CDKAL1: variants seen among roughly 807,000 people sequenced by gnomAD.
The protein encoded by CDKAL1 is threonylcarbamoyladenosine tRNA methylthiotransferase.
Under a neutral mutation model 68.2 loss-of-function variants are expected in CDKAL1, and 32 were observed. The observed-to-expected ratio is 0.47, with a 90% CI of 0.35 to 0.63. CDKAL1 has a LOEUF of 0.63. CDKAL1 is among the 30% of genes least tolerant of loss of function. The probability of loss-of-function intolerance (pLI) is 0.00; values close to 1 mark genes in which losing one functional copy is unlikely to be tolerated. For missense variants in CDKAL1, 606 were observed against 696.7 expected, an observed-to-expected ratio of 0.87 and a Z score of 1.47; for synonymous variants, 234 against 244.3, an observed-to-expected ratio of 0.96 and a Z score of 0.39.
chr6:20,688,002 T>C (rs879587801), intron 5 of CDKAL1, among the ~76,000 whole-genome samples: 10 of 152,104 alleles, frequency 6.6e-5, no homozygotes, highest in Non-Finnish European at 1.5e-4. Context: ...CAGAATTCTA[T>C]GTTGTTGTTT....
chr6:20,917,349 A>G (rs1350108408), intron 9 of CDKAL1, among the ~76,000 whole-genome samples: 2 of 152,168 alleles, frequency 1.3e-5, no homozygotes, highest in Non-Finnish European at 2.9e-5. Flanking sequence ...CCTTTCTTTT[A>G]AGGAAGAACT....
chr6:21,125,481 T>TG (rs1774955936), intron 13 of CDKAL1, among the ~76,000 whole-genome samples: 1 of 152,160 alleles, frequency 6.6e-6, no homozygotes, highest in African/African-American at 2.4e-5. Context: ...GAGACCAGCC[T>TG]GACCAACATG....
At chr6:20,645,913 C>G (rs1768431187) in intron 4 of CDKAL1, among the ~76,000 whole-genome samples, 1 of 151,804 alleles carries the variant, frequency 6.6e-6, no homozygotes, top group African/African-American at 2.4e-5. Flanking sequence ...CTTCCAGCAA[C>G]ACATCTTGTC....
intron 11 of CDKAL1, among the ~76,000 whole-genome samples, chr6:21,055,877 G>T (rs1770804574): frequency 6.6e-6 from 1 of 152,068 alleles, no homozygotes; most frequent in South Asian, 2.1e-4. Flanking sequence ...ATTCTTTTGG[G>T]TATATACCAA....
At chr6:21,037,110 C>A (rs2150888424) in intron 11 of CDKAL1, among the ~76,000 whole-genome samples, 1 of 152,156 alleles carries the variant, frequency 6.6e-6, no homozygotes, top group South Asian at 2.1e-4. Flanking sequence ...GGGGAAAAAT[C>A]TAAAACGGAA....
intron 10 of CDKAL1, among the ~76,000 whole-genome samples, chr6:20,980,683 T>C (rs1398500783): frequency 6.8e-6 from 1 of 146,528 alleles, no homozygotes; most frequent in Non-Finnish European, 1.5e-5. Flanking sequence ...GAACTCCTTA[T>C]GTTGCTTAAA....
intron 4 of CDKAL1, among the ~76,000 whole-genome samples, chr6:20,613,252 T>TC (rs1165172777): frequency 4.7e-4 from 3 of 6,416 alleles, no homozygotes; most frequent in Non-Finnish European, 8.3e-4. Flanking sequence ...TTTCTTTCTT[T>TC]TTTTTTTTTT....
At chr6:21,109,042 T>C (rs1773994918) in intron 13 of CDKAL1, among the ~76,000 whole-genome samples, 1 of 152,232 alleles carries the variant, frequency 6.6e-6, no homozygotes, top group Non-Finnish European at 1.5e-5. Context: ...CCATCCCTCA[T>C]GTTTGAAAAA....
Position 20,631,212 on chromosome 6 carries a change from C to G in CDKAL1, c.287-18081C>G, listed in dbSNP as rs544465113. ...GCCACCTTCTAGATGATTTTTACCT[C>G]TGGTGTACAACTGTCCTCCCTACCC... is the stretch of plus-strand genomic sequence containing the variant. On this transcript the variant is annotated intron_variant, in intron 4 of 15. Transcript: ENST00000274695. Among the ~76,000 whole-genome samples, 13 of 152,298 alleles carry G rather than the reference C, an allele frequency of 8.5e-5. No individual in the cohort carries two copies. In the South Asian group the frequency reaches 2.5e-3, roughly 29 times the overall value.
At chr6:20,824,683 A>G (rs1057495053) in intron 8 of CDKAL1, among the ~76,000 whole-genome samples, 9 of 152,182 alleles carry the variant, frequency 5.9e-5, no homozygotes, top group Admixed American at 5.2e-4. Context: ...GTAATGATCC[A>G]AGTGACATCT....
At chr6:20,611,331 A>C (rs544294130) in intron 4 of CDKAL1, among the ~76,000 whole-genome samples, 2 of 152,180 alleles carry the variant, frequency 1.3e-5, no homozygotes, top group Admixed American at 1.3e-4. Flanking sequence ...CAATCCTGTT[A>C]TATGTGTCAG....
chr6:20,736,695 C>T (rs1407826449), intron 5 of CDKAL1, among the ~76,000 whole-genome samples: 2 of 151,870 alleles, frequency 1.3e-5, no homozygotes, highest in Admixed American at 6.6e-5. Flanking sequence ...TGGCAGGAAC[C>T]CAGGAGGCGG....
Position 21,132,463 on chromosome 6 carries a change from ATCTCTT to A in CDKAL1, c.1299+24001_1299+24006del, listed in dbSNP as rs1277703306. The stretch of plus-strand genomic sequence containing the variant: ...AGAAGGAGATGCTGAAATTTTAAAA[ATCTCTT>A]AAGCTCAGCCATTATACATAAGGTC... On this transcript the variant is annotated intron_variant, in intron 13 of 15. Transcript: ENST00000274695. 4.0e-3 allele frequency among the ~76,000 whole-genome samples: 609 copies of A among 152,224 alleles called. 5 individuals carry two copies. Among genetic ancestry groups the A allele is most frequent in the African/African-American group, 0.014 (580 of 41,546 alleles).
intron 11 of CDKAL1, among the ~76,000 whole-genome samples, chr6:21,010,812 G>A (rs1048863655): frequency 7.9e-5 from 12 of 152,158 alleles, no homozygotes; most frequent in Admixed American, 5.2e-4. Flanking sequence ...GGCTGGGCGC[G>A]ATGGTTCACG....
At chr6:20,827,080 A>G (rs1777533045) in intron 8 of CDKAL1, among the ~76,000 whole-genome samples, 3 of 152,198 alleles carry the variant, frequency 2.0e-5, no homozygotes, top group African/African-American at 7.2e-5. Context: ...TGTTATTATT[A>G]AAGAGCTTGT....
rs138474645 is a variant in CDKAL1, at chr6:20,977,872, C to T, written c.909+22287C>T. Among the ~76,000 whole-genome samples, 678 of 152,022 alleles carry T rather than the reference C, an allele frequency of 4.5e-3. 2 individuals carry two copies. The highest frequency in any genetic ancestry group is 8.8e-3 in the African/African-American group (367 of 41,478). On this transcript the variant is annotated intron_variant, in intron 10 of 15. Transcript: ENST00000274695. ...CAGCCTGAGCAACAGAGTGAGACTC[C>T]GTCTCAAAATATTAATGATAATAAT...
chr6:20,649,612 G>A (rs2127760676), intron 5 of CDKAL1, among the ~76,000 whole-genome samples: 1 of 152,226 alleles, frequency 6.6e-6, no homozygotes, highest in African/African-American at 2.4e-5. Flanking sequence ...GGATGTGCAA[G>A]TTTGTTACAT....
chr6:20,721,725 GTTTTTTTTTTTTTT>G (rs145893325), intron 5 of CDKAL1, among the ~76,000 whole-genome samples: 4 of 67,380 alleles, frequency 5.9e-5, no homozygotes, highest in Admixed American at 2.3e-4. Flanking sequence ...ACCAACTTCT[GTTTTTTTTTTTTTT>G]TTTTTTTTTT....
In CDKAL1 at chr6:20,985,880, T is replaced by C. The variant is rs142482170; in HGVS notation, c.910-14347T>C. ...GGTGGGGGAGAGAATTGCCTATTCC[T>C]CTTTTCTTCTTTTACCTTCTTTCTC... On this transcript the variant is annotated intron_variant, in intron 10 of 15. Coordinates refer to ENST00000274695, the MANE Select transcript of CDKAL1 (RefSeq NM_017774.3). 4.5e-4 allele frequency among the ~76,000 whole-genome samples: 69 copies of C among 152,282 alleles called. 1 individual carries two copies. The highest frequency in any genetic ancestry group is 1.6e-3 in the African/African-American group (66 of 41,570).
Sources: allele counts gnomAD v4.1 joint callset (sites outside exome capture counted in the v4.1 genomes callset), GRCh38; gene constraint gnomAD v4.1.1; transcripts MANE v1.5; gene names NCBI Gene and HGNC (gene_info 2026-07-23, HGNC 2026-07-21).